Variants in ZNF570 observed in about 807,000 individuals in gnomAD.
ZNF570 encodes zinc finger protein 570.
Under a neutral mutation model 14.2 loss-of-function variants are expected in ZNF570, and 8 were observed. The ratio of observed to expected loss-of-function variants is 0.56; its 90% CI spans 0.33 to 1.02. The LOEUF (loss-of-function observed/expected upper bound fraction) is 1.02, where lower values mean the gene tolerates loss of function less well. Among genes scored for constraint, ZNF570 ranks in the 50% least tolerant of loss-of-function variants. The pLI is 0.03. For synonymous variants in ZNF570, 202 were observed against 207.6 expected (o/e 0.97, Z 0.23); for missense variants, 559 against 624.9 (o/e 0.89, Z 1.12).
intron 2 of ZNF570, among the ~76,000 whole-genome samples, chr19:37,473,402 G>A (rs1015018539): frequency 1.3e-5 from 2 of 152,112 alleles, no homozygotes; most frequent in Admixed American, 6.5e-5. Context: ...ATATGCAGGG[G>A]GTGATTATAA....
Position 37,483,979 on chromosome 19 carries a change from C to G in ZNF570, c.357C>G (p.Asn119Lys), listed in dbSNP as rs760955468. Residue 119 changes from asparagine to lysine, a missense_variant, in exon 5 of 5, where the codon AAC (asparagine) becomes AAG (lysine). Coordinates refer to ENST00000330173, the MANE Select transcript of ZNF570 (RefSeq NM_144694.5). The part of the protein sequence containing the change: ...QKIIETLTSY[N>K]LEYSSLREEW... ...TAATAGAAACACTTACAAGCTATAA[C>G]CTTGAATACTCCAGTTTGAGAGAAG... 1.5e-5 allele frequency: 24 copies of G among 1,613,778 alleles called. No homozygotes were observed. Among genetic ancestry groups the G allele is most frequent in the Admixed American group, 3.3e-5 (2 of 59,986 alleles).
Position 37,471,009 on chromosome 19 carries a change from A to ATTTTTTT in ZNF570, c.33+636_33+642dup, listed in dbSNP as rs764609936. 3.8e-3 allele frequency among the ~76,000 whole-genome samples: 318 copies of ATTTTTTT among 84,358 alleles called. 2 individuals are homozygous for ATTTTTTT. Among genetic ancestry groups the ATTTTTTT allele is most frequent in the East Asian group, 0.034 (93 of 2,702 alleles). The allele number at this position is 84,358 out of a possible 152,430, so 55.3% of individuals were successfully genotyped here. Reference sequence around the variant, plus strand: ...GCTACCATGCCTGGCCAGTGAGTACATTTTTTTTTTTTTTTTTTTTGTTGA... The same window carrying ATTTTTTT: ...GCTACCATGCCTGGCCAGTGAGTACATTTTTTTTTTTTTTTTTTTTTTTTTTTGTTGA... On this transcript the variant is annotated intron_variant, in intron 2 of 4. Transcript: ENST00000330173.
upstream of ZNF570, chr19:37,469,252 C>T (rs1183709289): frequency 2.4e-5 from 33 of 1,384,556 alleles, no homozygotes; most frequent in Non-Finnish European, 2.9e-5. Context: ...CCAGACACTG[C>T]GACGCCGCGA....
Position 37,469,672 on chromosome 19 carries a change from GCGGGCGAC to G in ZNF570, c.-52+116_-52+123del, listed in dbSNP as rs2041920994. 4.9e-5 allele frequency: 55 copies of G among 1,114,876 alleles called. No individual in the cohort carries two copies. In the South Asian group the frequency reaches 7.5e-4, roughly 15 times the overall value. 69.1% of individuals were successfully genotyped at this position (1,114,876 alleles called of 1,614,324 possible). ...TGTGAGGCTGTGAGTTGAGGCGGGA[GCGGGCGAC>G]TGTTCGCTGCACCTTGTTGGGCCGA... On this transcript the variant is annotated intron_variant, in intron 1 of 4. Transcript: ENST00000330173.
chr19:37,468,082 T>TTG, upstream of ZNF570: 2 of 659,128 alleles, frequency 3.0e-6, no homozygotes, highest in East Asian at 5.7e-5. Flanking sequence ...TTTTTTTTTT[T>TTG]TTGTTTGTTT....
intron 2 of ZNF570, among the ~76,000 whole-genome samples, chr19:37,473,253 G>C (rs1399004175): frequency 1.3e-5 from 2 of 152,130 alleles, no homozygotes; most frequent in Non-Finnish European, 2.9e-5. Flanking sequence ...TTTAAAGTGA[G>C]ACTGCTTAGC....
chr19:37,482,815 TTCTCTCTC>T (rs35690455), intron 4 of ZNF570, among the ~76,000 whole-genome samples: 31 of 141,622 alleles, frequency 2.2e-4, no homozygotes, highest in African/African-American at 4.8e-4. Context: ...TTCCCCTGCT[TTCTCTCTC>T]TCTCTCTCTC....
At chr19:37,481,279 G>A (rs1476232883) in intron 4 of ZNF570, among the ~76,000 whole-genome samples, 1 of 151,480 alleles carries the variant, frequency 6.6e-6, no homozygotes, top group African/African-American at 2.4e-5. Flanking sequence ...TCAGCCTCCC[G>A]AGTAGCTGGG....
chr19:37,480,588 A>T (rs1269217680), intron 4 of ZNF570, among the ~76,000 whole-genome samples: 1 of 152,178 alleles, frequency 6.6e-6, no homozygotes, highest in Non-Finnish European at 1.5e-5. Context: ...ATTTTGCTTT[A>T]TGAAGTTGTA....
chr19:37,471,168 C>G lies in ZNF570; in HGVS notation c.33+781C>G, dbSNP rs183176771. On this transcript the variant is annotated intron_variant, in intron 2 of 4. Transcript: ENST00000330173. ...AGCTGGGACTACAGGCGCCCACCAC[C>G]ACGCCTGGCTAATTTTTTGTATTTT... Among the ~76,000 whole-genome samples, 393 of 151,436 alleles carry G rather than the reference C, an allele frequency of 2.6e-3. 3 individuals carry two copies. Among genetic ancestry groups the G allele is most frequent in the South Asian group, 0.019 (92 of 4,774 alleles).
intron 4 of ZNF570, 173 bp downstream of exon 4, chr19:37,476,607 C>T: frequency 3.2e-6 from 3 of 927,392 alleles, no homozygotes; most frequent in Non-Finnish European, 2.9e-6. Flanking sequence ...TAATTATTTC[C>T]CTTCTCTTAC....
At chr19:37,470,695 C>CTTTT (rs760686313) in intron 2 of ZNF570, among the ~76,000 whole-genome samples, 188 of 92,952 alleles carry the variant, frequency 2.0e-3, no homozygotes, top group African/African-American at 2.7e-3. Flanking sequence ...CTTATTTATT[C>CTTTT]TTTTTTTTTT....
intron 2 of ZNF570, among the ~76,000 whole-genome samples, chr19:37,471,183 T>G (rs1392419513): frequency 1.3e-5 from 2 of 151,186 alleles, no homozygotes; most frequent in East Asian, 3.9e-4. Flanking sequence ...CTGGCTAATT[T>G]TTTGTATTTT....
Position 37,484,955 on chromosome 19 carries a change from A to G in ZNF570, c.1333A>G (p.Ile445Val). 14 of 1,614,110 alleles carry G rather than the reference A, an allele frequency of 8.7e-6. No homozygotes were observed. Among genetic ancestry groups the G allele is most frequent in the African/African-American group, 1.3e-5 (1 of 75,040 alleles). The stretch of plus-strand genomic sequence containing the variant: ...TACTGGAGAGAAACCCTATGAATGT[A>G]TTGAATGTGGGAAGGCTTTTAGCAA... ...VHTGEKPYEC[I>V]ECGKAFSNDS... Residue 445 changes from isoleucine to valine, a missense_variant, in exon 5 of 5, where the codon ATT becomes GTT. Physicochemically the swap from Ile to Val is conservative, Grantham distance 29. Transcript: ENST00000330173.
Position 37,475,906 on chromosome 19 carries a change from C to CT in ZNF570, c.60dup (p.Val21CysfsTer21). The CT allele has an allele frequency of 1.2e-6, 2 of 1,613,516 alleles. No homozygotes were observed. The highest frequency in any genetic ancestry group is 1.7e-6 in the Non-Finnish European group (2 of 1,179,786). ...GAGTTGGTGACCTTCAGAGATGTGG[C>CT]TGTAGACTTCTCCCAAGAGGAATGG... On this transcript the variant is annotated frameshift_variant, in exon 3 of 5. Coordinates refer to ENST00000330173, the MANE Select transcript of ZNF570 (RefSeq NM_144694.5). LOFTEE classifies it high-confidence loss of function.
intron 4 of ZNF570, among the ~76,000 whole-genome samples, chr19:37,481,278 C>T (rs1445328459): frequency 6.6e-6 from 1 of 152,124 alleles, no homozygotes; most frequent in Non-Finnish European, 1.5e-5. Flanking sequence ...CTCAGCCTCC[C>T]GAGTAGCTGG....
intron 4 of ZNF570, 116 bp downstream of exon 4, chr19:37,476,550 A>C: frequency 7.3e-7 from 1 of 1,364,534 alleles, no homozygotes; most frequent in South Asian, 2.1e-5. Context: ...CTAGGTTTTC[A>C]TAAAAATTTG....
intron 1 of ZNF570, 147 bp from the exon 2 acceptor site, chr19:37,470,157 T>G: frequency 1.6e-6 from 1 of 634,094 alleles, no homozygotes; most frequent in Non-Finnish European, 2.7e-6. Context: ...TTAAATTGTA[T>G]GCAAACAAAT....
At chr19:37,468,887 T>TC, upstream of ZNF570, 3 of 144,494 alleles carry the variant, frequency 2.1e-5, no homozygotes, top group Non-Finnish European at 4.3e-5. Context: ...CCCGCTCCCC[T>TC]CCCAATTTTT....
Sources: gnomAD v4.1 joint callset for allele counts (sites outside exome capture counted in the v4.1 genomes callset) on GRCh38, gnomAD v4.1.1 for gene constraint, MANE v1.5 for transcripts, NCBI Gene and HGNC (gene_info 2026-07-23, HGNC 2026-07-21) for gene names.